STARD4: variants seen among roughly 807,000 people sequenced by gnomAD.
STARD4 encodes the protein StAR related lipid transfer domain containing 4, also known as stAR-related lipid transfer protein 4.
In STARD4, 33 loss-of-function variants were observed where a neutral mutation model predicts 24.9. That is an observed-to-expected ratio of 1.32 (90% CI 1.00 to 1.77). STARD4 has a LOEUF of 1.77. Among genes scored for constraint, STARD4 ranks in the 40% most tolerant of loss-of-function variants. STARD4 has a pLI of 0.00. For synonymous variants in STARD4, 88 were observed against 77.4 expected (o/e 1.14, Z -0.72); for missense variants, 238 against 249.3 (o/e 0.95, Z 0.31).
At chr5:111,501,908 T>C in intron 4 of STARD4, 54 bp downstream of exon 4, 3 of 1,607,106 alleles carry the variant, frequency 1.9e-6, no homozygotes, top group Non-Finnish European at 2.5e-6. Context: ...GGCTCACTCA[T>C]GCCCTCCCTC....
Position 111,507,963 on chromosome 5 carries a change from G to A in STARD4, c.-9-521C>T, listed in dbSNP as rs1348120588. 1.3e-5 allele frequency among the ~76,000 whole-genome samples: 2 copies of A among 152,028 alleles called. No individual in the cohort carries two copies. The highest frequency in any genetic ancestry group is 1.3e-4 in the Admixed American group (2 of 15,270). ...TTCTCAAGTCAAAAGGCTTGGAATT[G>A]CCCTTAATAAGAATAGGTTCCTTTT... is the stretch of plus-strand genomic sequence containing the variant. On this transcript the variant is annotated intron_variant, in intron 1 of 5. Transcript: ENST00000296632. This position sits in a 1 kb window ranked among gnomAD's most constrained non-coding sequence, Gnocchi z 4.4.
At chr5:111,501,927 A>T in intron 4 of STARD4, 35 bp downstream of exon 4, 1 of 1,612,572 alleles carries the variant, frequency 6.2e-7, no homozygotes. Context: ...TCATGCACAT[A>T]CACACAGTCT....
chr5:111,503,232 G>T (rs952558277), intron 3 of STARD4, among the ~76,000 whole-genome samples: 5 of 152,110 alleles, frequency 3.3e-5, no homozygotes, highest in African/African-American at 1.2e-4. Context: ...TCCATAAATG[G>T]TGTGCCTAGA....
rs1488474090 is a variant in STARD4 at position 111,496,904 on chromosome 5, G to GAT, written c.*2980_*2981dup. The GAT allele has an allele frequency of 6.6e-6, 1 of 151,758 alleles. No homozygotes were observed. Among genetic ancestry groups the GAT allele is most frequent in the Non-Finnish European group, 1.5e-5 (1 of 67,886 alleles). 9.4% of individuals were successfully genotyped at this position (151,758 alleles called of 1,614,324 possible). A position where few individuals can be genotyped will look rare whatever the true frequency, so the allele number is the denominator to read the frequency against. On this transcript the variant is annotated 3_prime_UTR_variant, in exon 6 of 6. Coordinates refer to ENST00000296632, the MANE Select transcript of STARD4 (RefSeq NM_139164.3). ...TAGTACTTTAGCAATTTATCTTATA[G>GAT]ATTAGTTAACTACAGAATACTAGAT... is the stretch of plus-strand genomic sequence containing the variant.
At position 111,499,957 on chromosome 5, in the gene STARD4, G is replaced by A. The variant is rs201832035; in HGVS notation, c.547C>T (p.Gln183Ter). ...GCCATGGCTGTATCTACCGCAGACT[G>A]AGGAATCATCCCACGCAGATCTGTC... The part of the protein sequence containing the change: ...IQTDLRGMIP[Q>*]SAVDTAMAST... The change falls in exon 6 of 6, where the codon CAG (glutamine) becomes TAG (stop). Residue 183 changes from glutamine (Q) to a stop codon, truncating the protein, a stop_gained. Coordinates refer to ENST00000296632, the MANE Select transcript of STARD4 (RefSeq NM_139164.3). LOFTEE classifies it high-confidence loss of function. The A allele has an allele frequency of 7.1e-5, 114 of 1,614,010 alleles. No homozygotes were observed. The highest frequency in any genetic ancestry group is 1.6e-4 in the Middle Eastern group (1 of 6,084).
In STARD4 at chr5:111,499,857, G is replaced by T. The variant is rs540347788; in HGVS notation, c.*29C>A. 4.2e-5 allele frequency: 67 copies of T among 1,582,580 alleles called. No homozygotes were observed. In the South Asian group the frequency reaches 7.2e-4, roughly 17 times the overall value. The stretch of plus-strand genomic sequence containing the variant: ...ATGTAGCTGAGAGAGTTGATCTGTA[G>T]TACTACAAGTTTGAATGTATTTTGC... On this transcript the variant is annotated 3_prime_UTR_variant, in exon 6 of 6. Transcript: ENST00000296632.
intron 4 of STARD4, among the ~76,000 whole-genome samples, chr5:111,501,510 A>C (rs1350738700): frequency 6.6e-6 from 1 of 152,244 alleles, no homozygotes; most frequent in Non-Finnish European, 1.5e-5. Flanking sequence ...GAATTAATAA[A>C]AATAGAAACA....
In STARD4 at chr5:111,502,032, C is replaced by A. The variant is rs139008376; in HGVS notation, c.212G>T (p.Arg71Leu). 7 of 1,613,916 alleles carry A rather than the reference C, an allele frequency of 4.3e-6. No individual in the cohort carries two copies. In the African/African-American group the frequency reaches 6.7e-5, roughly 15 times the overall value. ...CCAATCCAAACGACAAGGCCCTGGG[C>A]GTATATGGTCTATTATACTATAGAC... is the stretch of plus-strand genomic sequence containing the variant. ...DLVYSIIDHIRPGPCRLDWDS... is the reference protein window; with the variant it reads ...DLVYSIIDHILPGPCRLDWDS... Residue 71 changes from arginine (R) to leucine (L), a missense_variant, in exon 4 of 6, where the codon CGC becomes CTC. Arg to Leu is a moderately radical substitution (Grantham distance 102). Coordinates refer to ENST00000296632, the MANE Select transcript of STARD4 (RefSeq NM_139164.3).
At chr5:111,512,074 A>C (rs764435576) in intron 1 of STARD4, among the ~76,000 whole-genome samples, 2 of 152,218 alleles carry the variant, frequency 1.3e-5, no homozygotes, top group Admixed American at 6.5e-5. Context: ...CCCATTTAAC[A>C]GCTGAGGACA....
In STARD4 at chr5:111,501,104, T is replaced by C; in HGVS notation, c.295A>G (p.Met99Val). ...AGCTGACCAGCAGTAGTGTAACGCA[T>C]CACACAGCAATTCTGAAAAAGAAGA... ...LENFEENCCV[M>V]RYTTAGQLWN... The change falls in exon 5 of 6, where the codon ATG becomes GTG. Residue 99 changes from methionine to valine, a missense_variant. Physicochemically the swap from Met to Val is conservative, Grantham distance 21. Coordinates refer to ENST00000296632, the MANE Select transcript of STARD4 (RefSeq NM_139164.3). 1 of 1,597,018 alleles carries C rather than the reference T, an allele frequency of 6.3e-7. No homozygotes were observed. Among genetic ancestry groups the C allele is most frequent in the Non-Finnish European group, 8.5e-7 (1 of 1,175,144 alleles).
In STARD4 at chr5:111,496,653, A is replaced by C. The variant is rs1756112664; in HGVS notation, c.*3233T>G. 1 of 152,138 alleles carries C rather than the reference A, an allele frequency of 6.6e-6. No homozygotes were observed. Among genetic ancestry groups the C allele is most frequent in the African/African-American group, 2.4e-5 (1 of 41,444 alleles). The allele number at this position is 152,138 out of a possible 1,614,324, so 9.4% of individuals were successfully genotyped here. A position where few individuals can be genotyped will look rare whatever the true frequency, so the allele number is the denominator to read the frequency against. On this transcript the variant is annotated 3_prime_UTR_variant, in exon 6 of 6. Coordinates refer to ENST00000296632, the MANE Select transcript of STARD4 (RefSeq NM_139164.3). ...TACAATGTTTTCCCATCTTCTCCAGATACAACCTCAATTACATAGTTTTTT... is the reference window on the plus strand; with the variant it reads ...TACAATGTTTTCCCATCTTCTCCAGCTACAACCTCAATTACATAGTTTTTT...
In STARD4 at chr5:111,500,005, T is replaced by A; in HGVS notation, c.499A>T (p.Ser167Cys). 1 of 1,614,150 alleles carries A rather than the reference T, an allele frequency of 6.2e-7. No individual in the cohort carries two copies. Among genetic ancestry groups the A allele is most frequent in the Non-Finnish European group, 8.5e-7 (1 of 1,179,998 alleles). ...GTCTGAATATATCCTGTCAAAAGAC[T>A]CTGGTTTGGGTTGTCTTTAAGTGGA... Reference protein sequence around the residue: ...CVPLKDNPNQSLLTGYIQTDL... With the variant: ...CVPLKDNPNQCLLTGYIQTDL... Residue 167 changes from serine to cysteine, a missense_variant, in exon 6 of 6, where the codon AGT becomes TGT. Transcript: ENST00000296632.
chr5:111,504,853 T>A (rs1756732610), intron 3 of STARD4, among the ~76,000 whole-genome samples: 1 of 152,218 alleles, frequency 6.6e-6, no homozygotes, highest in Non-Finnish European at 1.5e-5. Context: ...ATTTCCTAAA[T>A]GTAAAGTACT....
chr5:111,507,366 C>G lies in STARD4; in HGVS notation c.68G>C (p.Ser23Thr), dbSNP rs771790226. 1.2e-6 allele frequency: 2 copies of G among 1,613,494 alleles called. No homozygotes were observed. The highest frequency in any genetic ancestry group is 3.3e-5 in the Admixed American group (2 of 59,952). The stretch of plus-strand genomic sequence containing the variant: ...AACTCGCCACTTATCTTCTTCAATG[C>G]TATGGTACTGGATGAGAGTGTTTTT... ...KLKNTLIQYH[S>T]IEEDKWRVAK... Residue 23 changes from serine to threonine, a missense_variant, in exon 2 of 6, where the codon AGC becomes ACC. Transcript: ENST00000296632. This position sits in a 1 kb window ranked among gnomAD's most constrained non-coding sequence, Gnocchi z 4.4.
rs1449436696 is a variant in STARD4, at chr5:111,506,391, A to G, written c.106-12T>C. ...ACAGTTACATCTTTCTAGAAAAATA[A>G]AAACATTATATGGTAATAATTGCAT... On this transcript the variant is annotated splice_polypyrimidine_tract_variant and intron_variant, in intron 2 of 5. Transcript: ENST00000296632. 7.3e-7 allele frequency: 1 copy of G among 1,367,284 alleles called. No homozygotes were observed. The highest frequency in any genetic ancestry group is 1.5e-5 in the African/African-American group (1 of 68,878). The allele number at this position is 1,367,284 out of a possible 1,614,324, so 84.7% of individuals were successfully genotyped here. A position where few individuals can be genotyped will look rare whatever the true frequency, so the allele number is the denominator to read the frequency against.
rs1438981866 is a variant in STARD4, at chr5:111,506,093, CT to C, written c.155+236del. Reference sequence around the variant, plus strand: ...CCTGTAATCCGAGCTACTCGGGAGGCTGAGGCAGAAGAATCGCTTGAACCCG... The same window carrying C: ...CCTGTAATCCGAGCTACTCGGGAGGCGAGGCAGAAGAATCGCTTGAACCCG... On this transcript the variant is annotated intron_variant, in intron 3 of 5. Coordinates refer to ENST00000296632, the MANE Select transcript of STARD4 (RefSeq NM_139164.3). 1.2e-4 allele frequency: 29 copies of C among 238,830 alleles called. No individual in the cohort carries two copies. The East Asian group carries it at 2.4e-3, about 19-fold the overall frequency. The allele number at this position is 238,830 out of a possible 1,614,324, so 14.8% of individuals were successfully genotyped here.
Position 111,497,174 on chromosome 5 carries a change from G to A in STARD4, c.*2712C>T, listed in dbSNP as rs1181862687. On this transcript the variant is annotated 3_prime_UTR_variant, in exon 6 of 6. Coordinates refer to ENST00000296632, the MANE Select transcript of STARD4 (RefSeq NM_139164.3). ...GAATAGTCAACCATTTAACAAGAAG[G>A]CAGATTATATTCTTTCATTTCACCA... The A allele has an allele frequency of 1.3e-5, 2 of 151,816 alleles. No individual in the cohort carries two copies. Among genetic ancestry groups the A allele is most frequent in the Non-Finnish European group, 2.9e-5 (2 of 67,858 alleles). The allele number at this position is 151,816 out of a possible 1,614,324, so 9.4% of individuals were successfully genotyped here.
At chr5:111,506,942 A>G (rs1023941816) in intron 2 of STARD4, among the ~76,000 whole-genome samples, 1 of 152,232 alleles carries the variant, frequency 6.6e-6, no homozygotes, top group Non-Finnish European at 1.5e-5. Context: ...AAGTCACATT[A>G]GTAAAAAGGA....
intron 1 of STARD4, among the ~76,000 whole-genome samples, chr5:111,508,558 G>A (rs1441025046): frequency 6.6e-6 from 1 of 152,124 alleles, no homozygotes; most frequent in Non-Finnish European, 1.5e-5. Flanking sequence ...CTGGAAAGGA[G>A]GTCAAGAAAA....
Sources: gnomAD v4.1 joint callset for allele counts (sites outside exome capture counted in the v4.1 genomes callset) on GRCh38, gnomAD v4.1.1 for gene constraint, Gnocchi (gnomAD v3.1) non-coding constraint, MANE v1.5 for transcripts, NCBI Gene and HGNC (gene_info 2026-07-23, HGNC 2026-07-21) for gene names.